Variants in SSBP4 observed in about 807,000 individuals in gnomAD.
SSBP4 encodes the protein single stranded DNA binding protein 4.
A neutral mutation model predicts 64.6 loss-of-function variants in SSBP4; 33 were observed. The ratio of observed to expected loss-of-function variants is 0.51; its 90% CI spans 0.39 to 0.68. SSBP4 has a LOEUF of 0.68. Ranked by LOEUF, SSBP4 falls within the 30% of genes least tolerant of loss-of-function variation. SSBP4 has a pLI of 0.00. For missense variants in SSBP4, 583 were observed against 566.8 expected (o/e 1.03, Z -0.29); for synonymous variants, 243 against 224.0 (o/e 1.08, Z -0.76).
rs1322843532 is a variant in SSBP4 at position 18,419,664 on chromosome 19, G to A, written c.16G>A (p.Gly6Ser). 4 of 1,240,624 alleles carry A rather than the reference G, an allele frequency of 3.2e-6. No individual in the cohort carries two copies. The highest frequency in any genetic ancestry group is 2.3e-5 in the South Asian group (1 of 42,968). The allele number at this position is 1,240,624 out of a possible 1,614,324, so 76.9% of individuals were successfully genotyped here. MYAKG[G>S]KGSAVPSDSQ... ...GTGGAGCAGCATGTACGCCAAGGGG[G>A]GCAAGGGTTCGGCCGTGCCCTCCGA... The change falls in exon 1 of 18, where the codon GGC (glycine) becomes AGC (serine). Residue 6 changes from glycine to serine, a missense_variant. Physicochemically the swap from Gly to Ser is moderately conservative, Grantham distance 56. This residue lies in a region of SSBP4 where 39 missense variants were observed against 25.7 expected (regional missense o/e 1.52). Transcript: ENST00000270061.
intron 4 of SSBP4, among the ~76,000 whole-genome samples, chr19:18,430,420 C>T (rs1001562527): frequency 6.6e-6 from 1 of 152,182 alleles, no homozygotes; most frequent in Non-Finnish European, 1.5e-5. Context: ...CTGCTTTTCA[C>T]CCTCCCTCCT....
Position 18,432,020 on chromosome 19 carries a change from C to A in SSBP4, c.586C>A (p.Pro196Thr). 6.4e-7 allele frequency: 1 copy of A among 1,574,062 alleles called. No individual in the cohort carries two copies. Reference sequence around the variant, plus strand: ...CCCAGGGCATCCGAGCATGGGCGGCCCAATGCAGAGGGTGACGCCTCCTCG... The same window carrying A: ...CCCAGGGCATCCGAGCATGGGCGGCACAATGCAGAGGGTGACGCCTCCTCG... ...RAQGHPSMGG[P>T]MQRVTPPRGM... The change falls in exon 9 of 18, where the codon CCA (proline) becomes ACA (threonine). Residue 196 changes from proline (P) to threonine (T), a missense_variant. Physicochemically the swap from Pro to Thr is conservative, Grantham distance 38. Around this residue, in one of 5 missense-constraint regions of SSBP4, gnomAD observed 444 missense variants for 386.6 expected, o/e 1.15. Coordinates refer to ENST00000270061, the MANE Select transcript of SSBP4 (RefSeq NM_032627.5).
the SSBP4 span, among the ~76,000 whole-genome samples, chr19:18,411,031 T>G: frequency 2.0e-5 from 3 of 151,968 alleles, no homozygotes; most frequent in African/African-American, 7.3e-5. Flanking sequence ...TCCCAGCACT[T>G]TGGGAGGCCA....
chr19:18,432,642 T>C (rs769657532), intron 11 of SSBP4, 38 bp downstream of exon 11: 5 of 365,952 alleles, frequency 1.4e-5, no homozygotes, highest in African/African-American at 1.3e-4. Flanking sequence ...TGGGGTGGGG[T>C]GGGAGGGACA....
At chr19:18,409,378 C>T in the SSBP4 span, among the ~76,000 whole-genome samples, 3 of 152,018 alleles carry the variant, frequency 2.0e-5, no homozygotes, top group Non-Finnish European at 4.4e-5. Flanking sequence ...GGTACAGATA[C>T]GGCTTCACCA....
At chr19:18,412,127 T>C in the SSBP4 span, among the ~76,000 whole-genome samples, 3 of 151,890 alleles carry the variant, frequency 2.0e-5, no homozygotes, top group Non-Finnish European at 2.9e-5. Flanking sequence ...ATTGTGCCAC[T>C]GCACTCCAGC....
upstream of SSBP4, among the ~76,000 whole-genome samples, chr19:18,414,121 C>A (rs1972113849): frequency 6.6e-6 from 1 of 152,164 alleles, no homozygotes; most frequent in South Asian, 2.1e-4. Flanking sequence ...GTGGTTAGGC[C>A]CAGGATGGGC....
intron 1 of SSBP4, among the ~76,000 whole-genome samples, chr19:18,420,531 G>T (rs1972376299): frequency 6.6e-6 from 1 of 152,044 alleles, no homozygotes; most frequent in South Asian, 2.1e-4. Context: ...TGACCGTCCC[G>T]CAGGAAGGGC....
upstream of SSBP4, among the ~76,000 whole-genome samples, chr19:18,414,881 C>G (rs1972119209): frequency 6.6e-6 from 1 of 152,154 alleles, no homozygotes; most frequent in Non-Finnish European, 1.5e-5. Flanking sequence ...CAGGGCACAG[C>G]TAGGTTCAAA....
At chr19:18,430,611 G>A (rs1255472228) in intron 4 of SSBP4, among the ~76,000 whole-genome samples, 1 of 152,188 alleles carries the variant, frequency 6.6e-6, no homozygotes. Flanking sequence ...AGTTGAGATG[G>A]GTCTGGAGTG....
rs1972922516 is a variant in SSBP4, at chr19:18,427,276, TGA to T, written c.60-70_60-69del. The T allele has an allele frequency of 1.5e-5, 23 of 1,514,508 alleles. No individual in the cohort carries two copies. The highest frequency in any genetic ancestry group is 1.9e-5 in the Non-Finnish European group (21 of 1,110,034). The allele number at this position is 1,514,508 out of a possible 1,614,324, so 93.8% of individuals were successfully genotyped here. On this transcript the variant is annotated intron_variant, in intron 1 of 17. Coordinates refer to ENST00000270061, the MANE Select transcript of SSBP4 (RefSeq NM_032627.5). The surrounding 1 kb of genome is among the most constrained non-coding windows in gnomAD (Gnocchi z 4.4). ...GAGGCCACCTTTCCACCCGCCCTCC[TGA>T]GAGATGGAGGGGCTTTGGGGTGGGC... is the stretch of plus-strand genomic sequence containing the variant.
rs753705615 is a variant in SSBP4 at position 18,434,242 on chromosome 19, T to C, written c.1154T>C (p.Val385Ala). 1.2e-6 allele frequency: 2 copies of C among 1,611,508 alleles called. No individual in the cohort carries two copies. Among genetic ancestry groups the C allele is most frequent in the Admixed American group, 1.7e-5 (1 of 59,956 alleles). Reference protein sequence around the residue: ...ESYSPGMTMSV With the variant: ...ESYSPGMTMSA ...TACTCGCCAGGGATGACCATGAGCG[T>C]GTGATGGGGCGGCAGCCCCGGGCCT... The change falls in exon 18 of 18, where the codon GTG becomes GCG. Residue 385 changes from valine (V) to alanine (A), a missense_variant. Val to Ala is a moderately conservative substitution (Grantham distance 64). Transcript: ENST00000270061.
chr19:18,419,481 G>C lies in SSBP4; in HGVS notation c.-168G>C. On this transcript the variant is annotated 5_prime_UTR_variant, in exon 1 of 18. Coordinates refer to ENST00000270061, the MANE Select transcript of SSBP4 (RefSeq NM_032627.5). ...GGCCGGAGCTGGAGCCGCCGCTGCC[G>C]CCGCCGCCGCGGCCGTCTGGAGCTC... 9.2e-7 allele frequency: 1 copy of C among 1,083,266 alleles called. No homozygotes were observed. Among genetic ancestry groups the C allele is most frequent in the Admixed American group, 5.2e-5 (1 of 19,112 alleles). 67.1% of individuals were successfully genotyped at this position (1,083,266 alleles called of 1,614,324 possible). A position where few individuals can be genotyped will look rare whatever the true frequency, so the allele number is the denominator to read the frequency against.
chr19:18,434,426 G>A lies in SSBP4; in HGVS notation c.*180G>A, dbSNP rs1200293380. On this transcript the variant is annotated 3_prime_UTR_variant, in exon 18 of 18. Coordinates refer to ENST00000270061, the MANE Select transcript of SSBP4 (RefSeq NM_032627.5). ...TTATTAAAAACGCAAGGACCTCAGA[G>A]ACGTTCTTTTCTGTATGGACCCTTC... The A allele has an allele frequency of 9.9e-6, 12 of 1,210,138 alleles. No homozygotes were observed. Among genetic ancestry groups the A allele is most frequent in the Non-Finnish European group, 1.3e-5 (12 of 913,652 alleles). The allele number at this position is 1,210,138 out of a possible 1,614,324, so 75.0% of individuals were successfully genotyped here.
At chr19:18,433,853 G>A (rs1426716006) in intron 17 of SSBP4, 36 bp downstream of exon 17, 8 of 1,232,950 alleles carry the variant, frequency 6.5e-6, no homozygotes, top group Admixed American at 6.1e-5. Flanking sequence ...CCGCGGCGGC[G>A]TCGGGCCGGA....
chr19:18,434,337 C>A lies in SSBP4; in HGVS notation c.*91C>A. ...GGGGCTGAGGTCACACCTCGGGCAC[C>A]TGGACTCCTGGCCAATCAAGGCTTG... On this transcript the variant is annotated 3_prime_UTR_variant, in exon 18 of 18. Transcript: ENST00000270061. 1 of 1,546,214 alleles carries A rather than the reference C, an allele frequency of 6.5e-7. No homozygotes were observed. The highest frequency in any genetic ancestry group is 8.7e-7 in the Non-Finnish European group (1 of 1,148,396).
intron 4 of SSBP4, among the ~76,000 whole-genome samples, chr19:18,429,480 G>A (rs1033140381): frequency 3.5e-5 from 5 of 141,428 alleles, no homozygotes; most frequent in Admixed American, 6.9e-5. Flanking sequence ...CGGGGGGGGG[G>A]TGCGGTGGAG....
At chr19:18,415,905 C>T (rs1465009867), upstream of SSBP4, among the ~76,000 whole-genome samples, 3 of 152,086 alleles carry the variant, frequency 2.0e-5, no homozygotes, top group East Asian at 5.8e-4. Flanking sequence ...CACTGTCCAC[C>T]CCAAGAAGCA....
chr19:18,409,477 G>A, the SSBP4 span, among the ~76,000 whole-genome samples: 2 of 151,984 alleles, frequency 1.3e-5, no homozygotes, highest in African/African-American at 4.8e-5. Flanking sequence ...GTGAGCCATG[G>A]CGACCAGCTG....
Sources: gnomAD v4.1 joint callset for allele counts (sites outside exome capture counted in the v4.1 genomes callset) on GRCh38, gnomAD v4.1.1 for gene constraint, gnomAD v4.1.1 regional missense constraint, Gnocchi (gnomAD v3.1) non-coding constraint, MANE v1.5 for transcripts, NCBI Gene and HGNC (gene_info 2026-07-23, HGNC 2026-07-21) for gene names.